Variants in ATP7A observed in about 807,000 individuals in gnomAD.
ATP7A encodes copper-transporting ATPase 1.
ATP7A carries 7 observed loss-of-function variants against 83.5 expected under a neutral mutation model. That is an observed-to-expected ratio of 0.08 (90% CI 0.05 to 0.16). The LOEUF is 0.16. Ranked by LOEUF, ATP7A falls within the 10% of genes least tolerant of loss-of-function variation. The pLI is 1.00. For missense variants in ATP7A, 940 were observed against 1,120.8 expected (o/e 0.84, Z 2.30); for synonymous variants, 354 against 395.2 (o/e 0.90, Z 1.24).
chrX:77,955,870 C>A (rs1316852580), intron 1 of ATP7A, among the ~76,000 whole-genome samples: 2 of 101,371 alleles, frequency 2.0e-5, no homozygotes, highest in Non-Finnish European at 4.0e-5. Flanking sequence ...TTTTGAAATT[C>A]CACATGAGCA....
At chrX:77,972,036 A>G (rs2077550782) in intron 2 of ATP7A, among the ~76,000 whole-genome samples, 1 of 111,702 alleles carries the variant, frequency 9.0e-6, no homozygotes, top group Non-Finnish European at 1.9e-5. Context: ...ATGAGTATTT[A>G]TATACTGTTT....
chrX:77,934,064 C>CATTAGAAG (rs1400096045), intron 1 of ATP7A, among the ~76,000 whole-genome samples: 2 of 111,576 alleles, frequency 1.8e-5, no homozygotes, highest in Non-Finnish European at 3.8e-5. Flanking sequence ...TGAAAAGAAA[C>CATTAGAAG]ATTAGAAGTA....
chrX:77,978,210 A>T (rs2149077348), intron 2 of ATP7A, among the ~76,000 whole-genome samples: 1 of 111,340 alleles, frequency 9.0e-6, no homozygotes, highest in South Asian at 3.8e-4. Flanking sequence ...CTTTTTGGGG[A>T]TGTGACTAAG....
At chrX:77,933,871 GA>G (rs1773527173) in intron 1 of ATP7A, among the ~76,000 whole-genome samples, 1 of 111,360 alleles carries the variant, frequency 9.0e-6, no homozygotes, top group African/African-American at 3.3e-5. Context: ...TAAAAAACAT[GA>G]CATACCATTA....
intron 1 of ATP7A, among the ~76,000 whole-genome samples, chrX:77,932,431 A>G (rs2077292071): frequency 9.9e-6 from 1 of 100,773 alleles, no homozygotes; most frequent in Non-Finnish European, 2.0e-5. Context: ...CTGGGCAGCC[A>G]GGCAGAGCGG....
chrX:78,018,717 GT>G (rs1427931375), intron 12 of ATP7A, among the ~76,000 whole-genome samples: 1 of 111,888 alleles, frequency 8.9e-6, no homozygotes, highest in Non-Finnish European at 1.9e-5. Context: ...ACATTAGTCA[GT>G]TTTCACACTG....
intron 6 of ATP7A, among the ~76,000 whole-genome samples, chrX:78,006,533 G>A (rs183301070): frequency 6.6e-4 from 73 of 111,365 alleles, no homozygotes; most frequent in Non-Finnish European, 5.7e-4. Flanking sequence ...ACAACCCAGT[G>A]GTTTTTAGTA....
intron 1 of ATP7A, among the ~76,000 whole-genome samples, chrX:77,949,282 C>T (rs1354292251): frequency 1.8e-5 from 2 of 111,690 alleles, no homozygotes; most frequent in Non-Finnish European, 3.8e-5. Context: ...TAAACCACAC[C>T]CATAATGCTT....
In ATP7A at chrX:78,048,783, T is replaced by G; in HGVS notation, c.*2213T>G. The G allele has an allele frequency of 9.0e-6, 1 of 111,520 alleles. No individual in the cohort carries two copies. Among genetic ancestry groups the G allele is most frequent in the Non-Finnish European group, 1.9e-5 (1 of 53,127 alleles). 9.2% of individuals were successfully genotyped at this position (111,520 alleles called of 1,213,427 possible). A position where few individuals can be genotyped will look rare whatever the true frequency, so the allele number is the denominator to read the frequency against. ...ATTTTAATTCCAGTGGCCCATCTTA[T>G]AATACAACTTGTTTCTTCTAGAAGA... On this transcript the variant is annotated 3_prime_UTR_variant, in exon 23 of 23. Transcript: ENST00000341514.
chrX:78,011,490 C>A lies in ATP7A; in HGVS notation c.1988C>A (p.Pro663His). 8.3e-7 allele frequency: 1 copy of A among 1,210,157 alleles called. No individual in the cohort carries two copies. Among genetic ancestry groups the A allele is most frequent in the Non-Finnish European group, 1.1e-6 (1 of 894,996 alleles). The change falls in exon 9 of 23, where the codon CCT becomes CAT. Residue 663 changes from proline to histidine, a missense_variant. Coordinates refer to ENST00000341514, the MANE Select transcript of ATP7A (RefSeq NM_000052.7). ...CTTGTGAGTCTGTTTTTCTGTATTC[C>A]TGTAATGGGGCTGATGATATATATG... ...SFLVSLFFCI[P>H]VMGLMIYMMV...
At chrX:77,955,027 A>T (rs1346875666) in intron 1 of ATP7A, among the ~76,000 whole-genome samples, 2 of 111,026 alleles carry the variant, frequency 1.8e-5, no homozygotes, top group African/African-American at 6.5e-5. Flanking sequence ...CCTATGACAT[A>T]CCTGTGTATT....
chrX:77,942,120 A>G (rs1468373449), intron 1 of ATP7A, among the ~76,000 whole-genome samples: 2 of 112,334 alleles, frequency 1.8e-5, no homozygotes, highest in African/African-American at 6.5e-5. Context: ...TAAGACCTCT[A>G]ACGTTATTTT....
At chrX:77,920,646 CT>C (rs1241113977) in intron 1 of ATP7A, among the ~76,000 whole-genome samples, 43 of 111,222 alleles carry the variant, frequency 3.9e-4, no homozygotes, top group African/African-American at 1.4e-3. Flanking sequence ...TGATTTTGGT[CT>C]TTTTTTAATG....
chrX:78,006,956 ATGC>A (rs1456724962), intron 6 of ATP7A, among the ~76,000 whole-genome samples: 4 of 112,290 alleles, frequency 3.6e-5, no homozygotes, highest in Non-Finnish European at 7.5e-5. Flanking sequence ...ATTATAAATA[ATGC>A]TGCTATGAAC....
At chrX:77,991,504 C>T (rs1283176123) in intron 4 of ATP7A, among the ~76,000 whole-genome samples, 2 of 111,385 alleles carry the variant, frequency 1.8e-5, no homozygotes, top group Non-Finnish European at 3.8e-5. Context: ...ACTCTCTTGC[C>T]TATTATGTAT....
At chrX:77,969,665 C>T (rs1557229395) in intron 1 of ATP7A, 4 of 1,207,139 alleles carry the variant, frequency 3.3e-6, no homozygotes, top group Admixed American at 2.2e-5. Context: ...ACTTTTTATA[C>T]CATTTGAAGT....
intron 12 of ATP7A, among the ~76,000 whole-genome samples, chrX:78,019,694 G>T (rs782101085): frequency 1.8e-5 from 2 of 110,780 alleles, no homozygotes; most frequent in African/African-American, 6.6e-5. Context: ...GAACTCCTGA[G>T]CTCAAGCCAT....
At chrX:78,011,301 C>A (rs377004822) in intron 8 of ATP7A, 49 bp downstream of exon 8, 561 of 1,148,625 alleles carry the variant, frequency 4.9e-4, no homozygotes, top group Middle Eastern at 2.2e-3. Flanking sequence ...CTCCTTATTA[C>A]AAATTTTTTT....
chrX:77,976,933 C>T (rs1273672915), intron 2 of ATP7A, among the ~76,000 whole-genome samples: 1 of 110,888 alleles, frequency 9.0e-6, no homozygotes, highest in Non-Finnish European at 1.9e-5. Context: ...TTAGAGGCTC[C>T]CACATTGCTT....
Sources: gnomAD v4.1 joint callset for allele counts (sites outside exome capture counted in the v4.1 genomes callset) on GRCh38, gnomAD v4.1.1 for gene constraint, MANE v1.5 for transcripts, NCBI Gene and HGNC (gene_info 2026-07-23, HGNC 2026-07-21) for gene names.